CHD2: variants seen among roughly 807,000 people sequenced by gnomAD.
CHD2 encodes chromodomain helicase DNA binding protein 2, also known as ATP-dependent chromatin remodeler CHD2.
A neutral mutation model predicts 243.9 loss-of-function variants in CHD2; 28 were observed. That is an observed-to-expected ratio of 0.11 (90% CI 0.09 to 0.16). The LOEUF is 0.16. Among genes scored for constraint, CHD2 ranks in the 10% least tolerant of loss-of-function variants. CHD2 has a pLI of 1.00. For synonymous variants in CHD2, 775 were observed against 779.0 expected (o/e 0.99, Z 0.09); for missense variants, 1,386 against 2,209.8 (o/e 0.63, Z 7.47).
intron 16 of CHD2, among the ~76,000 whole-genome samples, chr15:92,959,052 T>C (rs1213762950): frequency 6.6e-6 from 1 of 152,256 alleles, no homozygotes; most frequent in Non-Finnish European, 1.5e-5. Context: ...CTTTTCACTT[T>C]TTGAATGTTG....
chr15:93,010,465 G>A (rs902212089), intron 35 of CHD2, among the ~76,000 whole-genome samples: 13 of 143,666 alleles, frequency 9.0e-5, no homozygotes, highest in South Asian at 2.2e-4. Context: ...TCACTCTATC[G>A]CCCAGGCTGA....
At chr15:92,995,996 G>T (rs1345440072) in intron 28 of CHD2, among the ~76,000 whole-genome samples, 1 of 152,082 alleles carries the variant, frequency 6.6e-6, no homozygotes, top group Non-Finnish European at 1.5e-5. Context: ...CTTGCATTTT[G>T]TTCTATAAAG....
chr15:92,913,442 C>T (rs985450258), intron 2 of CHD2, among the ~76,000 whole-genome samples: 12 of 152,288 alleles, frequency 7.9e-5, no homozygotes, highest in Middle Eastern at 6.8e-3. Flanking sequence ...GCTTGTCACT[C>T]TGGGGGTGGG....
intron 2 of CHD2, among the ~76,000 whole-genome samples, chr15:92,906,403 T>C (rs1567117819): frequency 1.3e-5 from 2 of 152,210 alleles, no homozygotes; most frequent in African/African-American, 4.8e-5. Context: ...GTTGTGACAG[T>C]TGTAGCAAGT....
intron 38 of CHD2, among the ~76,000 whole-genome samples, chr15:93,022,911 C>G (rs1418906997): frequency 2.6e-5 from 4 of 152,200 alleles, no homozygotes; most frequent in Non-Finnish European, 5.9e-5. Context: ...AACCACTGTT[C>G]TATGCATTTT....
In CHD2 at chr15:92,900,807, A is replaced by G; in HGVS notation, c.-89A>G. The stretch of plus-strand genomic sequence containing the variant: ...CTAGTAGATAGGACTCTTGGTTTGG[A>G]CATACTACATGGATCAGGTAAGTTC... On this transcript the variant is annotated 5_prime_UTR_variant, in exon 1 of 39. Transcript: ENST00000394196. 2.5e-6 allele frequency: 1 copy of G among 396,092 alleles called. No homozygotes were observed. The allele number at this position is 396,092 out of a possible 1,614,324, so 24.5% of individuals were successfully genotyped here.
At chr15:92,926,135 C>T (rs1596381021) in intron 3 of CHD2, among the ~76,000 whole-genome samples, 1 of 152,256 alleles carries the variant, frequency 6.6e-6, no homozygotes, top group East Asian at 1.9e-4. Flanking sequence ...ACACACCTGT[C>T]TAATTTTTAA....
chr15:92,991,018 C>G (rs567020642), intron 26 of CHD2, among the ~76,000 whole-genome samples: 1 of 152,262 alleles, frequency 6.6e-6, no homozygotes, highest in East Asian at 1.9e-4. Flanking sequence ...AAAATCTTAA[C>G]AGCTGAAAAA....
chr15:92,916,114 C>G (rs1259487521), intron 2 of CHD2, among the ~76,000 whole-genome samples: 1 of 152,200 alleles, frequency 6.6e-6, no homozygotes, highest in Non-Finnish European at 1.5e-5. Context: ...TGGAAGCCCC[C>G]TCCCCTGCTT....
intron 18 of CHD2, 49 bp from the exon 19 acceptor site, chr15:92,972,216 T>G: frequency 6.3e-7 from 1 of 1,574,942 alleles, no homozygotes; most frequent in African/African-American, 1.4e-5. Flanking sequence ...TAGGGAAGAT[T>G]AAAATTTGTG....
intron 37 of CHD2, among the ~76,000 whole-genome samples, chr15:93,017,558 G>A (rs989580259): frequency 4.9e-5 from 7 of 142,244 alleles, no homozygotes; most frequent in African/African-American, 1.9e-4. Flanking sequence ...TGTTGGCCAA[G>A]GTGGTCTTGA....
At chr15:92,921,695 T>G (rs912988946) in intron 2 of CHD2, among the ~76,000 whole-genome samples, 1 of 152,212 alleles carries the variant, frequency 6.6e-6, no homozygotes, top group Non-Finnish European at 1.5e-5. Flanking sequence ...GGATGTGATA[T>G]GCTCAGATTT....
intron 35 of CHD2, among the ~76,000 whole-genome samples, chr15:93,011,945 C>G (rs1351743382): frequency 6.6e-6 from 1 of 152,096 alleles, no homozygotes; most frequent in African/African-American, 2.4e-5. Context: ...GGACTGGAGT[C>G]TGGGGTGTCA....
At chr15:93,010,460 C>CT (rs929226295) in intron 35 of CHD2, among the ~76,000 whole-genome samples, 1 of 146,818 alleles carries the variant, frequency 6.8e-6, no homozygotes, top group Non-Finnish European at 1.5e-5. Context: ...CTCTTTCACT[C>CT]TATCGCCCAG....
intron 5 of CHD2, among the ~76,000 whole-genome samples, chr15:92,932,078 G>C (rs1286263991): frequency 6.6e-6 from 1 of 152,062 alleles, no homozygotes; most frequent in African/African-American, 2.4e-5. Flanking sequence ...TGGCCAGGAT[G>C]GTCTCAGTCT....
chr15:92,927,150 T>C (rs1490603265), intron 3 of CHD2, 94 bp from the exon 4 acceptor site: 2 of 908,522 alleles, frequency 2.2e-6, no homozygotes, highest in Non-Finnish European at 3.4e-6. Flanking sequence ...TTTTGATACT[T>C]GGTTACTTGA....
At chr15:92,965,763 T>G (rs1028762759) in intron 16 of CHD2, among the ~76,000 whole-genome samples, 4 of 152,110 alleles carry the variant, frequency 2.6e-5, no homozygotes, top group Admixed American at 2.6e-4. Flanking sequence ...TGTCTCATAT[T>G]AACTCCCTTA....
intron 5 of CHD2, among the ~76,000 whole-genome samples, chr15:92,931,311 G>C (rs543839968): frequency 1.3e-5 from 2 of 152,302 alleles, no homozygotes; most frequent in Non-Finnish European, 2.9e-5. Context: ...AAGAATAAAA[G>C]TGCAGTACAA....
At chr15:92,934,859 G>A (rs1283568606) in intron 5 of CHD2, among the ~76,000 whole-genome samples, 4 of 152,104 alleles carry the variant, frequency 2.6e-5, no homozygotes, top group Non-Finnish European at 4.4e-5. Flanking sequence ...GGACGTGTAA[G>A]CCTGGCTTTA....
Sources: allele counts gnomAD v4.1 joint callset (sites outside exome capture counted in the v4.1 genomes callset), GRCh38; gene constraint gnomAD v4.1.1; transcripts MANE v1.5; gene names NCBI Gene and HGNC (gene_info 2026-07-23, HGNC 2026-07-21).